PPP1R12B: variants seen among roughly 807,000 people sequenced by gnomAD.
The protein encoded by PPP1R12B is protein phosphatase 1 regulatory subunit 12B.
A neutral mutation model predicts 126.1 loss-of-function variants in PPP1R12B; 76 were observed. That is an observed-to-expected ratio of 0.60 (90% CI 0.50 to 0.73). The LOEUF is 0.73. PPP1R12B is among the 30% of genes least tolerant of loss of function. The pLI, the probability that PPP1R12B is intolerant of heterozygous loss-of-function variation, is 0.00. For synonymous variants in PPP1R12B, 356 were observed against 434.7 expected, an observed-to-expected ratio of 0.82 and a Z score of 2.25; for missense variants, 1,052 against 1,205.1, an observed-to-expected ratio of 0.87 and a Z score of 1.88.
chr1:202,474,384 G>A (rs1676360278), intron 13 of PPP1R12B, among the ~76,000 whole-genome samples: 1 of 151,906 alleles, frequency 6.6e-6, no homozygotes, highest in Admixed American at 6.6e-5. Flanking sequence ...CCAGGTTCAA[G>A]TGATTCTCGT....
intron 13 of PPP1R12B, among the ~76,000 whole-genome samples, chr1:202,463,852 G>A (rs1367480363): frequency 6.6e-6 from 1 of 152,116 alleles, no homozygotes; most frequent in African/African-American, 2.4e-5. Flanking sequence ...TCTGAATTCA[G>A]CCTACCCAGG....
intron 18 of PPP1R12B, among the ~76,000 whole-genome samples, chr1:202,509,380 A>G (rs1362601262): frequency 6.6e-6 from 1 of 152,206 alleles, no homozygotes; most frequent in Non-Finnish European, 1.5e-5. Context: ...CATTTTAAAT[A>G]TAGTCTCTCT....
intron 13 of PPP1R12B, chr1:202,472,112 A>C (rs1197471741): frequency 6.5e-7 from 1 of 1,548,236 alleles, no homozygotes; most frequent in East Asian, 2.2e-5. Flanking sequence ...CCTTTGTGAG[A>C]GGCATGTTCT....
chr1:202,446,252 A>ATTTTTTTTT (rs1441894134), intron 12 of PPP1R12B, among the ~76,000 whole-genome samples: 2 of 57,284 alleles, frequency 3.5e-5, no homozygotes, highest in African/African-American at 1.6e-4. Flanking sequence ...ATATATATAT[A>ATTTTTTTTT]TATATTTTTT....
In PPP1R12B at chr1:202,590,788, T is replaced by A. The variant is rs1690079988; in HGVS notation, c.*10228T>A. ...ATGGAGACGAAGGCAGGGCTCCTGG[T>A]GGGCTGACCTTGGCGAAGCTAGGCT... On this transcript the variant is annotated 3_prime_UTR_variant, in exon 24 of 24. Transcript: ENST00000608999. The A allele has an allele frequency of 1.3e-5, 2 of 151,844 alleles. No homozygotes were observed. Among genetic ancestry groups the A allele is most frequent in the South Asian group, 4.2e-4 (2 of 4,812 alleles). 9.4% of individuals were successfully genotyped at this position (151,844 alleles called of 1,614,324 possible).
chr1:202,431,690 GCTA>G, intron 8 of PPP1R12B, 71 bp downstream of exon 8: 1 of 1,440,746 alleles, frequency 6.9e-7, no homozygotes, highest in Non-Finnish European at 9.3e-7. Flanking sequence ...TTGTCAGAGA[GCTA>G]GCCAGGCCTC....
intron 1 of PPP1R12B, among the ~76,000 whole-genome samples, chr1:202,359,440 T>C (rs1170712081): frequency 6.6e-6 from 1 of 151,990 alleles, no homozygotes; most frequent in Non-Finnish European, 1.5e-5. Context: ...GCTTATATTT[T>C]ATTTGTAAAT....
chr1:202,436,128 C>T (rs971394562), intron 9 of PPP1R12B, among the ~76,000 whole-genome samples: 4 of 152,042 alleles, frequency 2.6e-5, no homozygotes, highest in African/African-American at 9.7e-5. Context: ...GGCATGGTGG[C>T]ACACACCTGT....
chr1:202,395,323 C>G (rs1219867376), intron 1 of PPP1R12B, among the ~76,000 whole-genome samples: 1 of 151,932 alleles, frequency 6.6e-6, no homozygotes, highest in Non-Finnish European at 1.5e-5. Context: ...ATGTTGTTCC[C>G]CATTGTCACT....
intron 18 of PPP1R12B, among the ~76,000 whole-genome samples, chr1:202,552,040 C>T (rs1178076394): frequency 1.3e-5 from 2 of 152,200 alleles, no homozygotes; most frequent in Admixed American, 1.3e-4. Flanking sequence ...ACTGTGCAGA[C>T]TTCTGACCTA....
At chr1:202,469,338 G>T (rs777965891) in intron 13 of PPP1R12B, among the ~76,000 whole-genome samples, 7 of 152,260 alleles carry the variant, frequency 4.6e-5, no homozygotes, top group Non-Finnish European at 5.9e-5. Context: ...ACTTTCTAGT[G>T]TGAGAAAATG....
intron 1 of PPP1R12B, among the ~76,000 whole-genome samples, chr1:202,354,268 C>A (rs1467021011): frequency 1.3e-5 from 2 of 152,162 alleles, no homozygotes; most frequent in African/African-American, 4.8e-5. Context: ...TAGACAGCTC[C>A]TCCCACCCTC....
chr1:202,388,164 A>G (rs1396205534), intron 1 of PPP1R12B, among the ~76,000 whole-genome samples: 1 of 151,826 alleles, frequency 6.6e-6, no homozygotes, highest in African/African-American at 2.4e-5. Flanking sequence ...CTTAGGAATA[A>G]TTGCCCAGGA....
chr1:202,350,219 ACT>A (rs1277634154), intron 1 of PPP1R12B, among the ~76,000 whole-genome samples: 1 of 152,010 alleles, frequency 6.6e-6, no homozygotes, highest in Non-Finnish European at 1.5e-5. Context: ...GGTAGAAGAA[ACT>A]CTTTCACCCT....
intron 13 of PPP1R12B, among the ~76,000 whole-genome samples, chr1:202,454,913 C>T (rs932148126): frequency 2.0e-5 from 3 of 151,730 alleles, no homozygotes; most frequent in African/African-American, 7.3e-5. Flanking sequence ...CAGAGCACAA[C>T]CCTGTCTCTA....
chr1:202,395,718 A>T (rs1441817357), intron 1 of PPP1R12B, among the ~76,000 whole-genome samples: 1 of 152,150 alleles, frequency 6.6e-6, no homozygotes, highest in Non-Finnish European at 1.5e-5. Context: ...TTTATAATTC[A>T]TCAGCTTTCC....
chr1:202,432,563 G>T (rs930774953), intron 8 of PPP1R12B, among the ~76,000 whole-genome samples: 1 of 152,118 alleles, frequency 6.6e-6, no homozygotes, highest in African/African-American at 2.4e-5. Context: ...CACTGCACCT[G>T]GCCCTAGAGC....
chr1:202,556,804 C>T (rs1687000211), intron 18 of PPP1R12B, among the ~76,000 whole-genome samples: 1 of 152,164 alleles, frequency 6.6e-6, no homozygotes, highest in East Asian at 1.9e-4. Flanking sequence ...CTGTTAAATA[C>T]AATAGATGCT....
At chr1:202,440,145 A>T (rs557048916) in intron 10 of PPP1R12B, among the ~76,000 whole-genome samples, 93 of 152,160 alleles carry the variant, frequency 6.1e-4, no homozygotes, top group African/African-American at 2.0e-3. Context: ...TTCACTTTTT[A>T]GTTCCAGATT....
Sources: allele counts gnomAD v4.1 joint callset (sites outside exome capture counted in the v4.1 genomes callset), GRCh38; gene constraint gnomAD v4.1.1; transcripts MANE v1.5; gene names NCBI Gene and HGNC (gene_info 2026-07-23, HGNC 2026-07-21).